The following SCAP variants were observed in gnomAD, a reference collection of about 807,000 sequenced individuals.
The protein encoded by SCAP is sterol regulatory element-binding protein cleavage-activating protein.
A neutral mutation model predicts 123.6 loss-of-function variants in SCAP; 65 were observed. That is an observed-to-expected ratio of 0.53 (90% confidence interval 0.43 to 0.65). SCAP has a LOEUF of 0.65. Ranked by LOEUF, SCAP falls within the 30% of genes least tolerant of loss-of-function variation. The pLI is 0.00. For synonymous variants in SCAP, 740 were observed against 726.3 expected (o/e 1.02, Z -0.30); for missense variants, 1,398 against 1,712.5 (o/e 0.82, Z 3.24).
rs1426088267 is a variant in SCAP at position 47,439,525 on chromosome 3, C to A, written c.122+3347G>T. Among the ~76,000 whole-genome samples the A allele has an allele frequency of 7.2e-5, 11 of 152,198 alleles. No homozygotes were observed. The highest frequency in any genetic ancestry group is 2.7e-4 in the African/African-American group (11 of 41,456). ...TCAATGATTCACATCACTCTCTGAC[C>A]TGCACATAGGGCAGTCCAACTAACA... On this transcript the variant is annotated intron_variant, in intron 2 of 22. Coordinates refer to ENST00000265565, the MANE Select transcript of SCAP (RefSeq NM_012235.4). This position sits in a 1 kb window ranked among gnomAD's most constrained non-coding sequence, Gnocchi z 4.0.
intron 1 of SCAP, among the ~76,000 whole-genome samples, chr3:47,458,335 A>T (rs1707505492): frequency 6.6e-6 from 1 of 152,110 alleles, no homozygotes; most frequent in South Asian, 2.1e-4. Flanking sequence ...AGGCTGAGGC[A>T]GGAGAATCGC....
At chr3:47,432,050 C>G (rs1333402041) in intron 3 of SCAP, among the ~76,000 whole-genome samples, 1 of 152,056 alleles carries the variant, frequency 6.6e-6, no homozygotes, top group Non-Finnish European at 1.5e-5. Context: ...CATGGTGGCT[C>G]ACGCCTGTAA....
chr3:47,430,711 G>A (rs371384070), intron 3 of SCAP, among the ~76,000 whole-genome samples: 5 of 152,206 alleles, frequency 3.3e-5, no homozygotes, highest in South Asian at 2.1e-4. Context: ...AAGACTCCCC[G>A]GGAGTTGGTG....
chr3:47,430,786 G>A (rs139088515), intron 3 of SCAP, among the ~76,000 whole-genome samples: 1 of 152,334 alleles, frequency 6.6e-6, no homozygotes, highest in Non-Finnish European at 1.5e-5. Context: ...ACTGAAGGGG[G>A]CAGGGCCCAG....
intron 1 of SCAP, among the ~76,000 whole-genome samples, chr3:47,475,095 A>C (rs144507733): frequency 6.6e-6 from 1 of 152,300 alleles, no homozygotes; most frequent in African/African-American, 2.4e-5. Context: ...GTCGCCATAC[A>C]AGGTGGAGCA....
Position 47,427,642 on chromosome 3 carries a change from A to C in SCAP, c.436T>G (p.Leu146Val). ...AGCAGGTCGGTCACTTGCAGACACA[A>C]CTCCTCCAAGCTCCTGATCCCAGAG... ...DSSGIRSLEE[L>V]CLQVTDLLPG... The change falls in exon 5 of 23, where the codon TTG becomes GTG. Residue 146 changes from leucine (L) to valine (V), a missense_variant. Physicochemically the swap from Leu to Val is conservative, Grantham distance 32. Transcript: ENST00000265565. 6.2e-7 allele frequency: 1 copy of C among 1,613,746 alleles called. No homozygotes were observed. Among genetic ancestry groups the C allele is most frequent in the South Asian group, 1.1e-5 (1 of 91,058 alleles).
intron 1 of SCAP, among the ~76,000 whole-genome samples, chr3:47,465,427 T>C (rs954339186): frequency 6.6e-6 from 1 of 152,086 alleles, no homozygotes; most frequent in Non-Finnish European, 1.5e-5. Flanking sequence ...TCCAAAGCTA[T>C]CTACAAACGC....
intron 1 of SCAP, among the ~76,000 whole-genome samples, chr3:47,455,062 CATATATATAT>C (rs58460988): frequency 0.094 from 12,010 of 127,894 alleles, 623 homozygotes; most frequent in East Asian, 0.15. Context: ...AAAAAAATTA[CATATATATAT>C]ATATATATAT....
At chr3:47,442,115 A>G (rs1706831521) in intron 2 of SCAP, among the ~76,000 whole-genome samples, 1 of 152,120 alleles carries the variant, frequency 6.6e-6, no homozygotes, top group Non-Finnish European at 1.5e-5. Context: ...ATAGCACTGA[A>G]AACATCTATA....
chr3:47,417,280 C>A (rs550579891), intron 17 of SCAP, 24 bp downstream of exon 17: 1 of 1,611,970 alleles, frequency 6.2e-7, no homozygotes, highest in South Asian at 1.1e-5. Flanking sequence ...AGCCGCTCTG[C>A]CCACCTTTAG....
chr3:47,432,312 T>C (rs1414856469), intron 3 of SCAP, among the ~76,000 whole-genome samples: 1 of 29,146 alleles, frequency 3.4e-5, no homozygotes, highest in East Asian at 8.5e-4. Context: ...AGACTCCGTC[T>C]TGAAAAAAAA....
rs193256181 is a variant in SCAP at position 47,435,665 on chromosome 3, C to T, written c.123-528G>A. Reference sequence around the variant, plus strand: ...CCTCCCAAAGTGCTGAGATTACAGGCGTAAGCAACCGTGCCTGGCTAGTTT... The same window carrying T: ...CCTCCCAAAGTGCTGAGATTACAGGTGTAAGCAACCGTGCCTGGCTAGTTT... On this transcript the variant is annotated intron_variant, in intron 2 of 22. Coordinates refer to ENST00000265565, the MANE Select transcript of SCAP (RefSeq NM_012235.4). 1.8e-4 allele frequency among the ~76,000 whole-genome samples: 27 copies of T among 152,078 alleles called. No homozygotes were observed. In the East Asian group the frequency reaches 4.4e-3, roughly 25 times the overall value.
chr3:47,418,906 G>C (rs901830095), intron 13 of SCAP, 63 bp from the exon 14 acceptor site: 1 of 1,409,890 alleles, frequency 7.1e-7, no homozygotes, highest in East Asian at 2.6e-5. Context: ...TGCTGTGCTC[G>C]CCAGCCAGTC....
intron 2 of SCAP, among the ~76,000 whole-genome samples, chr3:47,437,669 G>A (rs1002474749): frequency 2.6e-5 from 4 of 152,040 alleles, no homozygotes; most frequent in African/African-American, 9.7e-5. Flanking sequence ...CTTGAGCCGG[G>A]AGGCTGAGGC....
In SCAP at chr3:47,432,965, C is replaced by G. The variant is rs116558279; in HGVS notation, c.252+2043G>C. 3.9e-3 allele frequency among the ~76,000 whole-genome samples: 597 copies of G among 152,316 alleles called. 5 individuals carry two copies. The highest frequency in any genetic ancestry group is 0.014 in the African/African-American group (565 of 41,558). On this transcript the variant is annotated intron_variant, in intron 3 of 22. Coordinates refer to ENST00000265565, the MANE Select transcript of SCAP (RefSeq NM_012235.4). ...ACCCTATTCATAGCCAACTGGGCTC[C>G]CTTTTATCCTCCACTGGATTGGATG...
In SCAP at chr3:47,416,352, A is replaced by C. The variant is rs1007982242; in HGVS notation, c.3056+770T>G. On this transcript the variant is annotated intron_variant, in intron 18 of 22. Transcript: ENST00000265565. ...CCCACAGCCAACAGGCTTGCTGAGG[A>C]GGCCAAGCACGACAGAGGCAGGGAG... Among the ~76,000 whole-genome samples the C allele has an allele frequency of 2.0e-5, 3 of 152,244 alleles. No individual in the cohort carries two copies. In the East Asian group the frequency reaches 5.8e-4, roughly 29 times the overall value.
chr3:47,421,317 T>A (rs1705890585), intron 10 of SCAP: 1 of 366,706 alleles, frequency 2.7e-6, no homozygotes, highest in Non-Finnish European at 5.2e-6. Context: ...ACTGAAGGCC[T>A]GATCCAACCC....
In SCAP at chr3:47,418,171, G is replaced by C. The variant is rs1705716952; in HGVS notation, c.2410C>G (p.Gln804Glu). 1 of 1,572,756 alleles carries C rather than the reference G, an allele frequency of 6.4e-7. No individual in the cohort carries two copies. The highest frequency in any genetic ancestry group is 8.6e-7 in the Non-Finnish European group (1 of 1,159,854). Residue 804 changes from glutamine (Q) to glutamate (E), a missense_variant, in exon 16 of 23, where the codon CAG becomes GAG. Transcript: ENST00000265565. ...LAGHVCVWDA[Q>E]TGDCLTRIPR... ...ATGCGCGTTAGGCAATCCCCGGTCT[G>C]CGCGTCCCACACGCAGACGTGGCCT...
At chr3:47,448,544 G>A (rs1306663019) in intron 1 of SCAP, among the ~76,000 whole-genome samples, 1 of 151,558 alleles carries the variant, frequency 6.6e-6, no homozygotes, top group East Asian at 1.9e-4. Flanking sequence ...GGTCCCTGAA[G>A]CTCTGTTCAT....
Sources: gnomAD v4.1 joint callset for allele counts (sites outside exome capture counted in the v4.1 genomes callset) on GRCh38, gnomAD v4.1.1 for gene constraint, Gnocchi (gnomAD v3.1) non-coding constraint, MANE v1.5 for transcripts, NCBI Gene and HGNC (gene_info 2026-07-23, HGNC 2026-07-21) for gene names.